Variants in SORCS2 observed in about 807,000 individuals in gnomAD.
SORCS2 encodes sortilin related VPS10 domain containing receptor 2, also known as VPS10 domain-containing receptor SorCS2.
A neutral mutation model predicts 141.6 loss-of-function variants in SORCS2; 100 were observed. The ratio of observed to expected loss-of-function variants is 0.71; its 90% CI spans 0.60 to 0.83. The LOEUF (loss-of-function observed/expected upper bound fraction) is 0.83. Ranked by LOEUF, SORCS2 falls within the 40% of genes least tolerant of loss-of-function variation. The pLI is 0.00. For missense variants in SORCS2, 1,646 were observed against 1,560.2 expected (o/e 1.05, Z -0.93); for synonymous variants, 789 against 676.9 (o/e 1.17, Z -2.57).
rs142784481 is a variant in SORCS2, at chr4:7,719,537, C to T, written c.2424+1354C>T. On this transcript the variant is annotated intron_variant, in intron 18 of 26. Coordinates refer to ENST00000507866, the MANE Select transcript of SORCS2 (RefSeq NM_020777.3). ...TGAGTCTGGGGCCCCTAGACCTGAG[C>T]CGTTCCCTGGTGCAGGCTGCTGACG... is the stretch of plus-strand genomic sequence containing the variant. Among the ~76,000 whole-genome samples the T allele has an allele frequency of 2.0e-3, 308 of 152,254 alleles. 1 individual carries two copies. The highest frequency in any genetic ancestry group is 6.8e-3 in the African/African-American group (281 of 41,532).
chr4:7,397,723 C>G lies in SORCS2; in HGVS notation c.548+1368C>G, dbSNP rs117441620. On this transcript the variant is annotated intron_variant, in intron 2 of 26. Coordinates refer to ENST00000507866, the MANE Select transcript of SORCS2 (RefSeq NM_020777.3). Reference sequence around the variant, plus strand: ...GGCCCTGTGAAATGTCATTGCTGCTCTTTGAAAATGTATGTTCCAAGGCAG... The same window carrying G: ...GGCCCTGTGAAATGTCATTGCTGCTGTTTGAAAATGTATGTTCCAAGGCAG... Among the ~76,000 whole-genome samples, 51 of 152,328 alleles carry G rather than the reference C, an allele frequency of 3.3e-4. No homozygotes were observed. In the East Asian group the frequency reaches 8.5e-3, roughly 25 times the overall value.
intron 3 of SORCS2, among the ~76,000 whole-genome samples, chr4:7,592,101 C>A (rs1441845349): frequency 6.6e-6 from 1 of 152,180 alleles, no homozygotes; most frequent in African/African-American, 2.4e-5. Context: ...CCCCTTTATA[C>A]TTGAAAAAGA....
intron 1 of SORCS2, among the ~76,000 whole-genome samples, chr4:7,376,856 C>T (rs964327599): frequency 1.3e-5 from 2 of 152,188 alleles, no homozygotes; most frequent in African/African-American, 4.8e-5. Context: ...TCTCAAGCCT[C>T]CCCAGATGTC....
intron 1 of SORCS2, among the ~76,000 whole-genome samples, chr4:7,314,485 G>A (rs570889605): frequency 1.1e-3 from 165 of 152,048 alleles, no homozygotes; most frequent in African/African-American, 3.5e-3. Context: ...GACTACAGGC[G>A]CCCGCCACCA....
chr4:7,308,446 G>A (rs1577381393), intron 1 of SORCS2, among the ~76,000 whole-genome samples: 1 of 152,136 alleles, frequency 6.6e-6, no homozygotes, highest in African/African-American at 2.4e-5. Flanking sequence ...ATTTGGGGTG[G>A]ACACCTGCTC....
In SORCS2 at chr4:7,512,949, C is replaced by T. The variant is rs536536576; in HGVS notation, c.549-18581C>T. 3.9e-5 allele frequency among the ~76,000 whole-genome samples: 6 copies of T among 152,302 alleles called. No individual in the cohort carries two copies. In the South Asian group the frequency reaches 1.2e-3, roughly 32 times the overall value. ...TTTTTCTTGGCACATTTTCACACCT[C>T]CCTCCAGGCCGCAGGGGAAAGGAGA... On this transcript the variant is annotated intron_variant, in intron 2 of 26. Coordinates refer to ENST00000507866, the MANE Select transcript of SORCS2 (RefSeq NM_020777.3).
chr4:7,213,595 A>G (rs4689642), intron 1 of SORCS2, among the ~76,000 whole-genome samples: 53,800 of 151,958 alleles, frequency 0.35, 10,237 homozygotes, highest in East Asian at 0.54. Flanking sequence ...GTCAAGAACC[A>G]CTGTGTTAAC....
intron 3 of SORCS2, among the ~76,000 whole-genome samples, chr4:7,561,984 C>T (rs191402110): frequency 6.6e-6 from 1 of 152,336 alleles, no homozygotes; most frequent in Admixed American, 6.5e-5. Context: ...TCTACCCATC[C>T]GTCCCACAAA....
intron 1 of SORCS2, among the ~76,000 whole-genome samples, chr4:7,328,518 C>T (rs996958398): frequency 6.6e-6 from 1 of 152,140 alleles, no homozygotes; most frequent in Admixed American, 6.5e-5. Flanking sequence ...AGTGAGGGCT[C>T]CTTGAGGGCT....
At chr4:7,326,881 A>G (rs1719298708) in intron 1 of SORCS2, among the ~76,000 whole-genome samples, 1 of 152,250 alleles carries the variant, frequency 6.6e-6, no homozygotes, top group African/African-American at 2.4e-5. Flanking sequence ...CAAGGCCAGC[A>G]CGCCCTTGCT....
At chr4:7,239,396 G>T (rs368524958) in intron 1 of SORCS2, among the ~76,000 whole-genome samples, 1 of 152,234 alleles carries the variant, frequency 6.6e-6, no homozygotes, top group East Asian at 1.9e-4. Context: ...TGGAGTCCCC[G>T]TGGCCGGGAC....
chr4:7,544,842 G>A (rs1713120015), intron 3 of SORCS2, among the ~76,000 whole-genome samples: 1 of 152,206 alleles, frequency 6.6e-6, no homozygotes, highest in African/African-American at 2.4e-5. Flanking sequence ...TCTGAGGGCT[G>A]TTCCTGTGAG....
intron 3 of SORCS2, among the ~76,000 whole-genome samples, chr4:7,622,427 T>C (rs1719255970): frequency 6.6e-6 from 1 of 152,198 alleles, no homozygotes; most frequent in Non-Finnish European, 1.5e-5. Context: ...CTCTTGCCAC[T>C]GGAGGTATCC....
At chr4:7,575,961 T>G (rs569955464) in intron 3 of SORCS2, among the ~76,000 whole-genome samples, 1 of 152,334 alleles carries the variant, frequency 6.6e-6, no homozygotes, top group South Asian at 2.1e-4. Flanking sequence ...AGAAATTAGT[T>G]TTTTGAAAGG....
At chr4:7,214,820 A>G (rs982403318) in intron 1 of SORCS2, among the ~76,000 whole-genome samples, 57 of 152,370 alleles carry the variant, frequency 3.7e-4, no homozygotes, top group Admixed American at 1.4e-3. Flanking sequence ...TCTGGTGGAC[A>G]CGAAGGACGC....
intron 13 of SORCS2, among the ~76,000 whole-genome samples, chr4:7,703,814 G>A (rs936236914): frequency 2.6e-5 from 4 of 152,226 alleles, no homozygotes; most frequent in South Asian, 2.1e-4. Context: ...CAGGAAGCCA[G>A]TATCACTGTA....
chr4:7,494,790 G>T (rs868366349), intron 2 of SORCS2, among the ~76,000 whole-genome samples: 285 of 1,272 alleles, frequency 0.22, no homozygotes, highest in Non-Finnish European at 0.5. Context: ...AGTGGTTGGC[G>T]GTAAGGGGTG....
At chr4:7,499,930 G>A (rs955445961) in intron 2 of SORCS2, among the ~76,000 whole-genome samples, 4 of 152,126 alleles carry the variant, frequency 2.6e-5, no homozygotes, top group African/African-American at 9.7e-5. Flanking sequence ...TCCCAGGGGA[G>A]GCAGGCGGCT....
chr4:7,534,734 A>C (rs1711967261), intron 3 of SORCS2, among the ~76,000 whole-genome samples: 1 of 152,202 alleles, frequency 6.6e-6, no homozygotes, highest in South Asian at 2.1e-4. Flanking sequence ...GAAGTTGGAA[A>C]AGCCAAGGAA....
Sources: allele counts gnomAD v4.1 joint callset (sites outside exome capture counted in the v4.1 genomes callset), GRCh38; gene constraint gnomAD v4.1.1; transcripts MANE v1.5; gene names NCBI Gene and HGNC (gene_info 2026-07-23, HGNC 2026-07-21).